The following COL13A1 variants were observed in gnomAD, a reference collection of about 807,000 sequenced individuals.
COL13A1 encodes collagen type XIII alpha 1 chain, also known as collagen alpha-1(XIII) chain.
Under a neutral mutation model 130.9 loss-of-function variants are expected in COL13A1, and 89 were observed. That is an observed-to-expected ratio of 0.68 (90% confidence interval 0.57 to 0.81). COL13A1 has a LOEUF of 0.81. Ranked by LOEUF, COL13A1 falls within the 30% of genes least tolerant of loss-of-function variation. COL13A1 has a pLI of 0.00. For missense variants in COL13A1, 879 were observed against 934.6 expected (o/e 0.94, Z 0.78); for synonymous variants, 402 against 341.6 (o/e 1.18, Z -1.95).
At chr10:69,936,173 G>GA (rs2066886301) in intron 32 of COL13A1, among the ~76,000 whole-genome samples, 1 of 19,930 alleles carries the variant, frequency 5.0e-5, no homozygotes, top group African/African-American at 1.9e-4. Context: ...AGGAAGGAAG[G>GA]AAGGAAAGGA....
At chr10:69,944,306 C>CCCTGTCCCAGGCTGCTG in intron 36 of COL13A1, 128 bp downstream of exon 36, 1 of 810,476 alleles carries the variant, frequency 1.2e-6, no homozygotes, top group Non-Finnish European at 2.1e-6. Flanking sequence ...TCACAGCAGC[C>CCCTGTCCCAGGCTGCTG]TGGGACAGGG....
At chr10:69,805,336 G>C (rs1841265578) in intron 1 of COL13A1, among the ~76,000 whole-genome samples, 1 of 152,066 alleles carries the variant, frequency 6.6e-6, no homozygotes, top group Admixed American at 6.6e-5. Context: ...AGAGAGGGGT[G>C]ACTGGAAATG....
At chr10:69,879,266 T>C (rs955388721) in intron 6 of COL13A1, 2 of 152,228 alleles carry the variant, frequency 1.3e-5, no homozygotes, top group Admixed American at 1.3e-4. Flanking sequence ...CAGCTCCACA[T>C]TGGCATGAGG....
intron 13 of COL13A1, among the ~76,000 whole-genome samples, chr10:69,896,524 A>C (rs1469618988): frequency 6.6e-6 from 1 of 152,090 alleles, no homozygotes; most frequent in Non-Finnish European, 1.5e-5. Context: ...CTGGCTGCCC[A>C]CCCCTGCCAG....
chr10:69,944,575 G>A (rs551443014), intron 36 of COL13A1, among the ~76,000 whole-genome samples: 11 of 151,784 alleles, frequency 7.2e-5, no homozygotes, highest in African/African-American at 2.7e-4. Context: ...AGGAGGATCA[G>A]TTGAGCCCAG....
chr10:69,854,387 G>A (rs770457303), intron 2 of COL13A1, among the ~76,000 whole-genome samples: 18 of 152,220 alleles, frequency 1.2e-4, no homozygotes, highest in Middle Eastern at 3.4e-3. Context: ...GCAACACGGC[G>A]AAACCCCATC....
intron 1 of COL13A1, among the ~76,000 whole-genome samples, chr10:69,807,210 C>T (rs10998978): frequency 0.056 from 8,589 of 152,168 alleles, 417 homozygotes; most frequent in East Asian, 0.15. Flanking sequence ...CGTGTCACCA[C>T]TATATCTCTT....
chr10:69,913,549 T>A (rs2063598743), intron 17 of COL13A1, among the ~76,000 whole-genome samples: 1 of 152,160 alleles, frequency 6.6e-6, no homozygotes, highest in African/African-American at 2.4e-5. Context: ...GGAACAGTCC[T>A]CTGAACAGAG....
At chr10:69,927,009 T>G in intron 26 of COL13A1, 78 bp from the exon 27 acceptor site, 2 of 1,603,308 alleles carry the variant, frequency 1.2e-6, no homozygotes, top group Non-Finnish European at 1.7e-6. Flanking sequence ...CTCCCATGTT[T>G]CCATGACTGT....
chr10:69,937,160 C>T (rs1489377358), intron 33 of COL13A1, among the ~76,000 whole-genome samples: 1 of 152,192 alleles, frequency 6.6e-6, no homozygotes, highest in African/African-American at 2.4e-5. Flanking sequence ...TGGGCTCTCC[C>T]GGCCTCCCCT....
chr10:69,837,687 G>A (rs1431353698), intron 2 of COL13A1, among the ~76,000 whole-genome samples: 1 of 152,230 alleles, frequency 6.6e-6, no homozygotes, highest in Non-Finnish European at 1.5e-5. Flanking sequence ...AGCTGGAAGT[G>A]GGCCTTGACC....
intron 2 of COL13A1, among the ~76,000 whole-genome samples, chr10:69,859,651 C>T (rs1857419601): frequency 6.6e-6 from 1 of 152,194 alleles, no homozygotes; most frequent in East Asian, 1.9e-4. Flanking sequence ...AAGAAAGCAG[C>T]CCTGGCTTGG....
At chr10:69,866,482 G>C (rs914481533) in intron 2 of COL13A1, among the ~76,000 whole-genome samples, 5 of 152,184 alleles carry the variant, frequency 3.3e-5, no homozygotes, top group African/African-American at 1.2e-4. Flanking sequence ...AGCTAAGCTG[G>C]CCCCTCTGGC....
intron 10 of COL13A1, among the ~76,000 whole-genome samples, chr10:69,892,745 A>G (rs7071359): frequency 0.8 from 121,656 of 152,264 alleles, 49,058 homozygotes; most frequent in East Asian, 0.94. Context: ...GTGTTGTTGG[A>G]CCTCGACATA....
At chr10:69,858,920 T>C (rs1857209543) in intron 2 of COL13A1, among the ~76,000 whole-genome samples, 1 of 152,224 alleles carries the variant, frequency 6.6e-6, no homozygotes, top group Non-Finnish European at 1.5e-5. Context: ...TTAACTTCTC[T>C]GCACAGCCAC....
chr10:69,938,675 C>G (rs1200646913), intron 34 of COL13A1, among the ~76,000 whole-genome samples: 1 of 152,168 alleles, frequency 6.6e-6, no homozygotes, highest in East Asian at 1.9e-4. Flanking sequence ...CCCAGTTACC[C>G]CCGCTTGGCA....
chr10:69,867,411 G>A (rs527537234), intron 2 of COL13A1, among the ~76,000 whole-genome samples: 19 of 152,298 alleles, frequency 1.2e-4, no homozygotes, highest in Admixed American at 8.5e-4. Context: ...TCATCTCTAC[G>A]GGATCTGTTA....
At chr10:69,859,558 C>T (rs963070475) in intron 2 of COL13A1, among the ~76,000 whole-genome samples, 9 of 152,252 alleles carry the variant, frequency 5.9e-5, no homozygotes, top group Admixed American at 5.2e-4. Flanking sequence ...TGGCGAGATC[C>T]GGTGTCAGGA....
chr10:69,844,732 T>C (rs1168379221), intron 2 of COL13A1, among the ~76,000 whole-genome samples: 2 of 152,208 alleles, frequency 1.3e-5, no homozygotes, highest in African/African-American at 2.4e-5. Context: ...CCTAAAATCA[T>C]GTTGGCCCGT....
Sources: allele counts gnomAD v4.1 joint callset (sites outside exome capture counted in the v4.1 genomes callset), GRCh38; gene constraint gnomAD v4.1.1; transcripts MANE v1.5; gene names NCBI Gene and HGNC (gene_info 2026-07-23, HGNC 2026-07-21).